The following FAAH2 variants were observed in gnomAD, a reference collection of about 807,000 sequenced individuals.
FAAH2 encodes the protein fatty-acid amide hydrolase 2.
In FAAH2, 60 loss-of-function variants were observed where a neutral mutation model predicts 36.9. That is an observed-to-expected ratio of 1.63 (90% CI 1.32 to 2.02). The LOEUF (loss-of-function observed/expected upper bound fraction) is 2.02. Ranked by LOEUF, FAAH2 falls within the 30% of genes most tolerant of loss-of-function variation. FAAH2 has a pLI of 0.00. For missense variants in FAAH2, 689 were observed against 397.5 expected (o/e 1.73, Z -6.23); for synonymous variants, 214 against 143.8 (o/e 1.49, Z -3.49).
At chrX:57,478,056 A>G (rs1333150557) in intron 10 of FAAH2, among the ~76,000 whole-genome samples, 1 of 112,112 alleles carries the variant, frequency 8.9e-6, no homozygotes, top group Non-Finnish European at 1.9e-5. Context: ...TCCATGAGGA[A>G]TCACCACACT....
chrX:57,374,231 T>A (rs1421487485), intron 5 of FAAH2, among the ~76,000 whole-genome samples: 1 of 111,562 alleles, frequency 9.0e-6, no homozygotes, highest in Non-Finnish European at 1.9e-5. Flanking sequence ...TTTTGGGAAT[T>A]TTTCTAGTTC....
At chrX:57,242,980 G>A in the FAAH2 span, among the ~76,000 whole-genome samples, 18 of 112,044 alleles carry the variant, frequency 1.6e-4, no homozygotes, top group African/African-American at 4.2e-4. Context: ...TCCCACCCCC[G>A]GAAAGCCCAG....
the FAAH2 span, among the ~76,000 whole-genome samples, chrX:57,162,081 G>T: frequency 2.7e-5 from 3 of 111,311 alleles, no homozygotes; most frequent in Admixed American, 9.6e-5. Flanking sequence ...CTCAGCATTT[G>T]CTTGTCTGTA....
chrX:57,144,715 C>T, the FAAH2 span, among the ~76,000 whole-genome samples: 68 of 110,571 alleles, frequency 6.1e-4, no homozygotes, highest in Non-Finnish European at 1.1e-3. Context: ...TTGTATCATT[C>T]TTCTGCCTTT....
At chrX:57,324,047 C>T (rs1335853700) in intron 3 of FAAH2, among the ~76,000 whole-genome samples, 5 of 111,857 alleles carry the variant, frequency 4.5e-5, no homozygotes, top group African/African-American at 1.6e-4. Flanking sequence ...CCAGTTTCAG[C>T]TTTCTGCTTA....
At chrX:57,159,320 C>T in the FAAH2 span, among the ~76,000 whole-genome samples, 513 of 111,698 alleles carry the variant, frequency 4.6e-3, 2 homozygotes, top group African/African-American at 0.016. Flanking sequence ...CTTGGCTATG[C>T]GGGCTGTTTT....
the FAAH2 span, among the ~76,000 whole-genome samples, chrX:57,163,754 C>A: frequency 2.7e-5 from 3 of 112,199 alleles, no homozygotes; most frequent in Non-Finnish European, 1.9e-5. Flanking sequence ...GACCTGCGCC[C>A]ACTGTCTGGC....
intron 5 of FAAH2, among the ~76,000 whole-genome samples, chrX:57,350,672 C>A (rs753541385): frequency 1.8e-5 from 2 of 110,714 alleles, no homozygotes; most frequent in East Asian, 5.7e-4. Flanking sequence ...AATGGTCCTT[C>A]CAAATGAACA....
chrX:57,248,791 T>G, the FAAH2 span, among the ~76,000 whole-genome samples: 7 of 74,373 alleles, frequency 9.4e-5, no homozygotes, highest in East Asian at 4.7e-4. Context: ...TCGAATAGTG[T>G]GTCTTTTTTT....
chrX:57,135,931 T>A, the FAAH2 span: 1 of 1,207,857 alleles, frequency 8.3e-7, no homozygotes, highest in South Asian at 1.8e-5. Context: ...CCGATCCTTT[T>A]GGAGCCATCT....
At position 57,416,149 on chromosome X, in the gene FAAH2, C is replaced by T. The variant is rs759216211; in HGVS notation, c.997-15769C>T. On this transcript the variant is annotated intron_variant, in intron 7 of 10. Transcript: ENST00000374900. Reference sequence around the variant, plus strand: ...GCAAGTGAGATGGGTCTCCTGAATACAGCACACTGATGGCTGTTGACTCTT... The same window carrying T: ...GCAAGTGAGATGGGTCTCCTGAATATAGCACACTGATGGCTGTTGACTCTT... Among the ~76,000 whole-genome samples, 4 of 111,206 alleles carry T rather than the reference C, an allele frequency of 3.6e-5. No homozygotes were observed. The South Asian group carries it at 1.5e-3, about 42-fold the overall frequency.
At position 57,331,763 on chromosome X, in the gene FAAH2, CA is replaced by C. The variant is rs1347470090; in HGVS notation, c.581del (p.Asn194ThrfsTer10). 2.5e-6 allele frequency: 3 copies of C among 1,211,505 alleles called. No homozygotes were observed. The highest frequency in any genetic ancestry group is 3.4e-6 in the Non-Finnish European group (3 of 895,473). On this transcript the variant is annotated frameshift_variant, in exon 4 of 11. Transcript: ENST00000374900. LOFTEE classifies it high-confidence loss of function. ...TCCAGTAACAAGATCTATGGCCGATCAAACAACCCATATGATTTACAGCATA... is the reference window on the plus strand; with the variant it reads ...TCCAGTAACAAGATCTATGGCCGATCAACAACCCATATGATTTACAGCATA... ...YESSNKIYGR[S>X]NNPYDLQHIV... is the part of the protein sequence containing the mutation.
At chrX:57,151,723 G>A in the FAAH2 span, among the ~76,000 whole-genome samples, 13 of 110,855 alleles carry the variant, frequency 1.2e-4, no homozygotes, top group African/African-American at 3.6e-4. Context: ...CCTGTAGCTC[G>A]GAGTAGTTTG....
intron 7 of FAAH2, among the ~76,000 whole-genome samples, chrX:57,404,639 C>A (rs2055522595): frequency 1.8e-5 from 2 of 111,592 alleles, no homozygotes; most frequent in Non-Finnish European, 3.8e-5. Context: ...CAGCATAGAT[C>A]TTCCTTAGAT....
chrX:57,395,441 A>G, intron 7 of FAAH2: 1 of 623,594 alleles, frequency 1.6e-6, no homozygotes. Context: ...CACGATGGAC[A>G]CCACCAATAT....
intron 8 of FAAH2, among the ~76,000 whole-genome samples, chrX:57,440,798 G>A (rs772332304): frequency 1.6e-3 from 184 of 111,591 alleles, no homozygotes; most frequent in African/African-American, 5.4e-3. Context: ...TTTATGGAGG[G>A]TTTTTAGCAT....
the FAAH2 span, among the ~76,000 whole-genome samples, chrX:57,181,071 A>G: frequency 9.0e-6 from 1 of 111,620 alleles, no homozygotes; most frequent in Non-Finnish European, 1.9e-5. Context: ...TTTTGATAAA[A>G]TTTAATATCC....
the FAAH2 span, among the ~76,000 whole-genome samples, chrX:57,169,779 G>T: frequency 4.8e-5 from 5 of 103,536 alleles, no homozygotes; most frequent in East Asian, 1.6e-3. Context: ...TTTTTATCCA[G>T]CTGACCTGTC....
At chrX:57,432,924 C>T (rs890227225) in intron 8 of FAAH2, among the ~76,000 whole-genome samples, 1 of 107,521 alleles carries the variant, frequency 9.3e-6, no homozygotes, top group African/African-American at 3.4e-5. Flanking sequence ...ATCTCACATA[C>T]AATAGCCCTT....
Sources: gnomAD v4.1 joint callset for allele counts (sites outside exome capture counted in the v4.1 genomes callset) on GRCh38, gnomAD v4.1.1 for gene constraint, MANE v1.5 for transcripts, NCBI Gene and HGNC (gene_info 2026-07-23, HGNC 2026-07-21) for gene names.